Variants in ASIC2 observed in about 807,000 individuals in gnomAD.
The protein encoded by ASIC2 is acid-sensing ion channel 2.
Under a neutral mutation model 57.3 loss-of-function variants are expected in ASIC2, and 25 were observed. The ratio of observed to expected loss-of-function variants is 0.44; its 90% CI spans 0.32 to 0.61. The LOEUF is 0.61. Among genes scored for constraint, ASIC2 ranks in the 20% least tolerant of loss-of-function variants. ASIC2 has a pLI of 0.06. For synonymous variants in ASIC2, 319 were observed against 307.5 expected, an observed-to-expected ratio of 1.04 and a Z score of -0.39; for missense variants, 641 against 738.1, an observed-to-expected ratio of 0.87 and a Z score of 1.52.
chr17:33,517,834 A>G (rs1169434272), intron 1 of ASIC2, among the ~76,000 whole-genome samples: 1 of 152,142 alleles, frequency 6.6e-6, no homozygotes, highest in Non-Finnish European at 1.5e-5. Flanking sequence ...ATGTACCCTA[A>G]AACTTAAAGC....
chr17:34,149,875 A>G (rs187200002), intron 1 of ASIC2, among the ~76,000 whole-genome samples: 16 of 152,336 alleles, frequency 1.1e-4, no homozygotes, highest in Admixed American at 2.6e-4. Context: ...TGATCTAGCA[A>G]TCCCACTACT....
At chr17:34,060,646 G>GA (rs1908937890) in intron 1 of ASIC2, among the ~76,000 whole-genome samples, 1 of 152,012 alleles carries the variant, frequency 6.6e-6, no homozygotes, top group Non-Finnish European at 1.5e-5. Context: ...ATAGCATAAA[G>GA]AAAAAACAAG....
At chr17:33,864,597 A>G (rs1045312698) in intron 1 of ASIC2, among the ~76,000 whole-genome samples, 1 of 152,152 alleles carries the variant, frequency 6.6e-6, no homozygotes, top group African/African-American at 2.4e-5. Flanking sequence ...GGTAAAGGGG[A>G]CAGGGGCTGG....
intron 1 of ASIC2, among the ~76,000 whole-genome samples, chr17:33,359,507 T>C (rs1420640329): frequency 1.3e-5 from 2 of 152,048 alleles, no homozygotes; most frequent in African/African-American, 4.8e-5. Flanking sequence ...CAGCTAAAAG[T>C]CAATAGCAGA....
At chr17:33,108,001 C>T (rs796213486) in intron 2 of ASIC2, among the ~76,000 whole-genome samples, 1 of 152,110 alleles carries the variant, frequency 6.6e-6, no homozygotes, top group Non-Finnish European at 1.5e-5. Context: ...TTTTTTTGAC[C>T]ATCTTCCCAC....
chr17:33,316,862 T>C (rs1044761107), intron 1 of ASIC2, among the ~76,000 whole-genome samples: 1 of 152,144 alleles, frequency 6.6e-6, no homozygotes, highest in Non-Finnish European at 1.5e-5. Context: ...ACTTTGGAGA[T>C]TTTCCAGACA....
intron 1 of ASIC2, among the ~76,000 whole-genome samples, chr17:33,394,452 T>C (rs1910004412): frequency 6.6e-6 from 1 of 152,154 alleles, no homozygotes; most frequent in Non-Finnish European, 1.5e-5. Flanking sequence ...ACATATGGAT[T>C]TTTTTTGAAA....
chr17:33,599,175 T>G (rs80135904), intron 1 of ASIC2, among the ~76,000 whole-genome samples: 4 of 152,196 alleles, frequency 2.6e-5, no homozygotes, highest in Non-Finnish European at 5.9e-5. Flanking sequence ...AATATTTTTT[T>G]GAAAATGTGA....
intron 1 of ASIC2, among the ~76,000 whole-genome samples, chr17:33,850,475 A>C (rs1305347775): frequency 6.6e-6 from 1 of 152,066 alleles, no homozygotes; most frequent in Non-Finnish European, 1.5e-5. Context: ...TGCAATTACC[A>C]CTTGTCTGCT....
At chr17:33,528,182 G>GTGTGTGTGTGTGTGTGTGTGTA (rs1384667078) in intron 1 of ASIC2, among the ~76,000 whole-genome samples, 1 of 151,892 alleles carries the variant, frequency 6.6e-6, no homozygotes, top group Admixed American at 6.6e-5. Flanking sequence ...GTGTGTGTGT[G>GTGTGTGTGTGTGTGTGTGTGTA]TGTGGTTTCC....
chr17:34,126,319 C>G (rs1379309715), intron 1 of ASIC2, among the ~76,000 whole-genome samples: 2 of 152,210 alleles, frequency 1.3e-5, no homozygotes, highest in Non-Finnish European at 2.9e-5. Context: ...GCCCACTCCA[C>G]TGCCTCATAC....
At chr17:33,040,488 C>CA (rs2091925592) in intron 3 of ASIC2, among the ~76,000 whole-genome samples, 1 of 152,198 alleles carries the variant, frequency 6.6e-6, no homozygotes, top group Non-Finnish European at 1.5e-5. Context: ...TTCTAAGCTC[C>CA]AGGGTCTTCA....
At chr17:33,096,355 C>T (rs183532964) in intron 2 of ASIC2, among the ~76,000 whole-genome samples, 3 of 152,288 alleles carry the variant, frequency 2.0e-5, no homozygotes. Context: ...GGCCTTGGAC[C>T]TTTGCCTGGC....
intron 1 of ASIC2, among the ~76,000 whole-genome samples, chr17:33,733,635 G>C (rs962944417): frequency 3.9e-5 from 6 of 152,152 alleles, no homozygotes; most frequent in African/African-American, 1.4e-4. Context: ...CTGAGCCTCA[G>C]TTTATTTATC....
At chr17:33,282,050 A>AT (rs1324525431) in intron 1 of ASIC2, among the ~76,000 whole-genome samples, 3 of 152,146 alleles carry the variant, frequency 2.0e-5, no homozygotes, top group Non-Finnish European at 2.9e-5. Flanking sequence ...AAATTCTTTC[A>AT]TTTTTTTGAA....
At chr17:33,577,195 C>T (rs1166770826) in intron 1 of ASIC2, among the ~76,000 whole-genome samples, 2 of 152,078 alleles carry the variant, frequency 1.3e-5, no homozygotes, top group African/African-American at 4.8e-5. Context: ...ACACAGTATC[C>T]CAGGGAAGCC....
intron 1 of ASIC2, among the ~76,000 whole-genome samples, chr17:34,093,162 A>G (rs1414841698): frequency 6.6e-6 from 1 of 152,208 alleles, no homozygotes; most frequent in Non-Finnish European, 1.5e-5. Context: ...TGCTGCTGGG[A>G]ACATTCTCGA....
At chr17:33,546,681 T>TC (rs1379017309) in intron 1 of ASIC2, among the ~76,000 whole-genome samples, 1 of 152,180 alleles carries the variant, frequency 6.6e-6, no homozygotes, top group Non-Finnish European at 1.5e-5. Flanking sequence ...TCCTGAGTCC[T>TC]CATGGGTAGG....
Position 33,015,974 on chromosome 17 carries a change from A to G in ASIC2, c.1587T>C (p.Asn529=). The G allele has an allele frequency of 1.2e-6, 2 of 1,614,032 alleles. No individual in the cohort carries two copies. Among genetic ancestry groups the G allele is most frequent in the Non-Finnish European group, 8.5e-7 (1 of 1,179,960 alleles). Residue 529 remains asparagine (N), a synonymous_variant, in exon 9 of 10, where the codon AAT becomes AAC. Transcript: ENST00000225823. The part of the protein sequence containing the change: ...KEEDEGSHDE[N]VSTCDTMPNH... ...CCAATCAGTGAGCTGCTCTTACCAC[A>G]TTCTCATCGTGGCTCCCTTCGTCCT... is the stretch of plus-strand genomic sequence containing the variant.
Sources: allele counts gnomAD v4.1 joint callset (sites outside exome capture counted in the v4.1 genomes callset), GRCh38; gene constraint gnomAD v4.1.1; transcripts MANE v1.5; gene names NCBI Gene and HGNC (gene_info 2026-07-23, HGNC 2026-07-21).